Variants in RPL13 observed in about 807,000 individuals in gnomAD.
RPL13 encodes large ribosomal subunit protein eL13.
RPL13 carries 1 observed loss-of-function variant against 21.4 expected under a neutral mutation model. That is an observed-to-expected ratio of 0.05 (90% CI 0.02 to 0.22). The LOEUF (loss-of-function observed/expected upper bound fraction) is 0.22. Ranked by LOEUF, RPL13 falls within the 10% of genes least tolerant of loss-of-function variation. The pLI, the probability that RPL13 is intolerant of heterozygous loss-of-function variation, is 1.00. For missense variants in RPL13, 289 were observed against 303.0 expected (o/e 0.95, Z 0.34); for synonymous variants, 143 against 120.5 (o/e 1.19, Z -1.23).
rs1366482540 is a variant in RPL13, at chr16:89,561,633, G to A, written c.302G>A (p.Arg101Lys). Residue 101 changes from arginine to lysine, a missense_variant, in exon 4 of 6, where the codon AGG (arginine) becomes AAG (lysine). By Grantham distance (26) the Arg-to-Lys change is conservative (BLOSUM62 2). Coordinates refer to ENST00000311528, the MANE Select transcript of RPL13 (RefSeq NM_000977.4). ...ARTIGISVDP[R>K]RRNKSTESLQ... ...ACCATCGGCATTTCTGTGGATCCGA[G>A]GAGGCGGAACAAGTCCACGGAGTCC... 1 of 1,613,724 alleles carries A rather than the reference G, an allele frequency of 6.2e-7. No individual in the cohort carries two copies. Among genetic ancestry groups the A allele is most frequent in the African/African-American group, 1.3e-5 (1 of 74,940 alleles).
rs569092109 is a variant in RPL13, at chr16:89,564,246, C to G, written c.*1204C>G. 7 of 152,248 alleles carry G rather than the reference C, an allele frequency of 4.6e-5. No homozygotes were observed. Among genetic ancestry groups the G allele is most frequent in the African/African-American group, 1.4e-4 (6 of 41,450 alleles). The allele number at this position is 152,248 out of a possible 1,614,324, so 9.4% of individuals were successfully genotyped here. A position where few individuals can be genotyped will look rare whatever the true frequency, so the allele number is the denominator to read the frequency against. Reference sequence around the variant, plus strand: ...GCGTGGAAATAGGTGATGCTGCTACCTCTGCTGCTGCACTCACAGCCACAC... The same window carrying G: ...GCGTGGAAATAGGTGATGCTGCTACGTCTGCTGCTGCACTCACAGCCACAC... On this transcript the variant is annotated 3_prime_UTR_variant, in exon 6 of 6. Coordinates refer to ENST00000311528, the MANE Select transcript of RPL13 (RefSeq NM_000977.4).
intron 4 of RPL13, chr16:89,562,103 C>A: frequency 1.7e-6 from 1 of 594,914 alleles, no homozygotes; most frequent in Non-Finnish European, 2.9e-6. Context: ...CTGCCCCGCC[C>A]GTGGTTCACA....
chr16:89,562,537 C>T (rs1018257424), intron 5 of RPL13, 146 bp downstream of exon 5: 74 of 711,528 alleles, frequency 1.0e-4, no homozygotes, highest in Non-Finnish European at 1.5e-4. Flanking sequence ...AGGAACATTT[C>T]TTCTTAGTTT....
rs1168766594 is a variant in RPL13, at chr16:89,561,746, A to G, written c.415A>G (p.Ser139Gly). The G allele has an allele frequency of 3.7e-6, 6 of 1,613,112 alleles. No individual in the cohort carries two copies. The African/African-American group carries it at 5.3e-5, about 14-fold the overall frequency. ...RKPSAPKKGD[S>G]SAEELKLATQ... Reference sequence around the variant, plus strand: ...GCCCTCGGCCCCCAAGAAGGGAGACAGTTCTGTGAGTACACGGCTCTCTGG... The same window carrying G: ...GCCCTCGGCCCCCAAGAAGGGAGACGGTTCTGTGAGTACACGGCTCTCTGG... The change falls in exon 4 of 6, where the codon AGT (serine) becomes GGT (glycine). Residue 139 changes from serine (S) to glycine (G), a missense_variant. Physicochemically the swap from Ser to Gly is moderately conservative, Grantham distance 56. Transcript: ENST00000311528.
Position 89,561,058 on chromosome 16 carries a change from C to T in RPL13, c.99C>T (p.Ile33=), listed in dbSNP as rs2152414387. 1.2e-6 allele frequency: 2 copies of T among 1,605,714 alleles called. No individual in the cohort carries two copies. Among genetic ancestry groups the T allele is most frequent in the Non-Finnish European group, 1.7e-6 (2 of 1,177,640 alleles). The change falls in exon 2 of 6, where the codon ATC becomes ATT. Residue 33 remains isoleucine (I), a synonymous_variant. Transcript: ENST00000311528. The part of the protein sequence containing the change: ...ATWFNQPARK[I]RRRKARQAKA... ...GGTTCAACCAGCCGGCCCGTAAGATCCGCAGGTGAGCCCTGCGCTCGGGGC... is the reference window on the plus strand; with the variant it reads ...GGTTCAACCAGCCGGCCCGTAAGATTCGCAGGTGAGCCCTGCGCTCGGGGC...
chr16:89,562,812 G>A, intron 5 of RPL13, 72 bp from the exon 6 acceptor site: 2 of 1,448,152 alleles, frequency 1.4e-6, no homozygotes, highest in Non-Finnish European at 9.1e-7. Context: ...GGTCCTCCAG[G>A]TTCTCCTGAC....
chr16:89,561,878 A>G, intron 4 of RPL13, 127 bp downstream of exon 4: 2 of 1,028,474 alleles, frequency 1.9e-6, no homozygotes, highest in Non-Finnish European at 2.8e-6. Flanking sequence ...TGATGAGCTA[A>G]GCGGGACTGC....
intron 4 of RPL13, 70 bp from the exon 5 acceptor site, chr16:89,562,265 G>A (rs889148526): frequency 1.8e-5 from 27 of 1,471,582 alleles, no homozygotes; most frequent in Non-Finnish European, 2.5e-5. Flanking sequence ...GGAAAGTTTG[G>A]GGCCAGGTGA....
At chr16:89,561,892 G>T in intron 4 of RPL13, 141 bp downstream of exon 4, 1 of 938,972 alleles carries the variant, frequency 1.1e-6, no homozygotes. Context: ...GGACTGCTAA[G>T]GTTCACCTGT....
Position 89,563,106 on chromosome 16 carries a change from G to A in RPL13, c.*64G>A. 1 of 1,376,558 alleles carries A rather than the reference G, an allele frequency of 7.3e-7. No homozygotes were observed. Among genetic ancestry groups the A allele is most frequent in the Non-Finnish European group, 9.5e-7 (1 of 1,052,504 alleles). 85.3% of individuals were successfully genotyped at this position (1,376,558 alleles called of 1,614,324 possible). A position where few individuals can be genotyped will look rare whatever the true frequency, so the allele number is the denominator to read the frequency against. ...TGGGTCTCCACGTGGTGTGTTTCGT[G>A]GGAACAACTGGGCCTGGGATGGGGC... On this transcript the variant is annotated 3_prime_UTR_variant, in exon 6 of 6. Coordinates refer to ENST00000311528, the MANE Select transcript of RPL13 (RefSeq NM_000977.4).
Position 89,561,254 on chromosome 16 carries a change from C to T in RPL13, c.132C>T (p.Arg44=), listed in dbSNP as rs1256871229. The T allele has an allele frequency of 3.9e-6, 6 of 1,550,152 alleles. No individual in the cohort carries two copies. Among genetic ancestry groups the T allele is most frequent in the Non-Finnish European group, 5.2e-6 (6 of 1,153,000 alleles). ...GTAAGGCCCGGCAAGCCAAGGCGCG[C>T]CGCATCGCCCCGCGCCCCGCGTCGG... is the stretch of plus-strand genomic sequence containing the variant. ...RRRKARQAKA[R]RIAPRPASGP... is the part of the protein sequence containing the mutation. The change falls in exon 3 of 6, where the codon CGC becomes CGT. Residue 44 remains arginine (R), a synonymous_variant. Coordinates refer to ENST00000311528, the MANE Select transcript of RPL13 (RefSeq NM_000977.4).
At chr16:89,566,042 C>T (rs532068834), downstream of RPL13, 7 of 152,348 alleles carry the variant, frequency 4.6e-5, no homozygotes, top group South Asian at 2.1e-4. Flanking sequence ...TTCAGCCTGT[C>T]GCCCCCGGGG....
In RPL13 at chr16:89,561,629, C is replaced by T. The variant is rs1413781698; in HGVS notation, c.298C>T (p.Pro100Ser). 4 of 1,613,672 alleles carry T rather than the reference C, an allele frequency of 2.5e-6. No homozygotes were observed. The highest frequency in any genetic ancestry group is 2.2e-5 in the East Asian group (1 of 44,892). Residue 100 changes from proline to serine, a missense_variant, in exon 4 of 6, where the codon CCG (proline) becomes TCG (serine). Transcript: ENST00000311528. ...VARTIGISVD[P>S]RRRNKSTESL... ...CCGGACCATCGGCATTTCTGTGGAT[C>T]CGAGGAGGCGGAACAAGTCCACGGA...
chr16:89,563,212 T>G lies in RPL13; in HGVS notation c.*170T>G, dbSNP rs763465711. The G allele has an allele frequency of 2.7e-5, 16 of 593,542 alleles. No homozygotes were observed. In the African/African-American group the frequency reaches 3.1e-4, roughly 11 times the overall value. The allele number at this position is 593,542 out of a possible 1,614,324, so 36.8% of individuals were successfully genotyped here. On this transcript the variant is annotated 3_prime_UTR_variant, in exon 6 of 6. Transcript: ENST00000311528. Reference sequence around the variant, plus strand: ...CCAAGCCCTGGATAATGCTTTACTTTCTGTGTTGAAGCACTGTTGGTTGTT... The same window carrying G: ...CCAAGCCCTGGATAATGCTTTACTTGCTGTGTTGAAGCACTGTTGGTTGTT...
At chr16:89,565,864 G>A (rs1172816600), downstream of RPL13, 1 of 152,252 alleles carries the variant, frequency 6.6e-6, no homozygotes, top group Non-Finnish European at 1.5e-5. Flanking sequence ...GGAACACCTT[G>A]ATTTCGTCCA....
rs771029382 is a variant in RPL13 at position 89,561,079 on chromosome 16, G to T, written c.104+16G>T. 12 of 1,594,688 alleles carry T rather than the reference G, an allele frequency of 7.5e-6. No homozygotes were observed. The highest frequency in any genetic ancestry group is 1.8e-4 in the Middle Eastern group (1 of 5,546). On this transcript the variant is annotated intron_variant, in intron 2 of 5. Coordinates refer to ENST00000311528, the MANE Select transcript of RPL13 (RefSeq NM_000977.4). Reference sequence around the variant, plus strand: ...AGATCCGCAGGTGAGCCCTGCGCTCGGGGCTGCCCCTGGGGCTCGTGCCCG... The same window carrying T: ...AGATCCGCAGGTGAGCCCTGCGCTCTGGGCTGCCCCTGGGGCTCGTGCCCG...
chr16:89,566,692 A>G (rs1350596328), downstream of RPL13: 1 of 152,012 alleles, frequency 6.6e-6, no homozygotes, highest in Non-Finnish European at 1.5e-5. Context: ...ACTATTATGC[A>G]GTAGTTTCGA....
chr16:89,564,179 C>T lies in RPL13; in HGVS notation c.*1137C>T, dbSNP rs2058765909. 6.6e-6 allele frequency: 1 copy of T among 152,208 alleles called. No individual in the cohort carries two copies. The highest frequency in any genetic ancestry group is 2.4e-5 in the African/African-American group (1 of 41,454). 9.4% of individuals were successfully genotyped at this position (152,208 alleles called of 1,614,324 possible). A position where few individuals can be genotyped will look rare whatever the true frequency, so the allele number is the denominator to read the frequency against. ...CAGATTCTGTTTTGTCTACATGCCTCTGCCGGGTGCCGGTATTGAGGCACC... is the reference window on the plus strand; with the variant it reads ...CAGATTCTGTTTTGTCTACATGCCTTTGCCGGGTGCCGGTATTGAGGCACC... On this transcript the variant is annotated 3_prime_UTR_variant, in exon 6 of 6. Transcript: ENST00000311528.
intron 1 of RPL13, 67 bp from the exon 2 acceptor site, chr16:89,560,873 G>A: frequency 8.2e-7 from 1 of 1,219,914 alleles, no homozygotes; most frequent in South Asian, 1.4e-5. Context: ...GAGGGTTCGG[G>A]GCGGAGGCCC....
Sources: allele counts gnomAD v4.1 joint callset, GRCh38; gene constraint gnomAD v4.1.1; transcripts MANE v1.5; gene names NCBI Gene and HGNC (gene_info 2026-07-23, HGNC 2026-07-21).